Variants in KIF9 observed in about 807,000 individuals in gnomAD.
KIF9 encodes the protein kinesin family member 9.
In KIF9, 68 loss-of-function variants were observed where a neutral mutation model predicts 94.8. That is an observed-to-expected ratio of 0.72 (90% CI 0.59 to 0.88). The LOEUF is 0.88. Among genes scored for constraint, KIF9 ranks in the 40% least tolerant of loss-of-function variants. KIF9 has a pLI of 0.00. For missense variants in KIF9, 882 were observed against 982.5 expected (o/e 0.90, Z 1.37); for synonymous variants, 343 against 362.1 (o/e 0.95, Z 0.60).
At chr3:47,238,316 C>G (rs1338695393) in intron 17 of KIF9, 1 of 152,132 alleles carries the variant, frequency 6.6e-6, no homozygotes, top group Non-Finnish European at 1.5e-5. Flanking sequence ...CTTCTGGGCT[C>G]AGGTGATCCT....
Position 47,271,364 on chromosome 3 carries a change from G to A in KIF9, c.464C>T (p.Thr155Ile). ...YNESLFDLLS[T>I]LPYVGPSVTP... The stretch of plus-strand genomic sequence containing the variant: ...GACTGAGGGTCCAACATAGGGCAGA[G>A]TGGACAGGAGATCAAACAGGCTCTC... The change falls in exon 5 of 21, where the codon ACT becomes ATT. Residue 155 changes from threonine to isoleucine, a missense_variant. Thr to Ile is a moderately conservative substitution (Grantham distance 89). Transcript: ENST00000684063. The A allele has an allele frequency of 1.2e-6, 2 of 1,613,932 alleles. No individual in the cohort carries two copies. Among genetic ancestry groups the A allele is most frequent in the Non-Finnish European group, 1.7e-6 (2 of 1,179,856 alleles).
intron 9 of KIF9, 31 bp from the exon 10 acceptor site, chr3:47,257,591 G>A: frequency 6.3e-7 from 1 of 1,591,938 alleles, no homozygotes; most frequent in Non-Finnish European, 8.6e-7. Context: ...ACATTAGATG[G>A]CTCGCCACTA....
chr3:47,264,196 T>C (rs1267490280), intron 9 of KIF9, 90 bp downstream of exon 9: 4 of 968,738 alleles, frequency 4.1e-6, no homozygotes, highest in Non-Finnish European at 6.7e-6. Flanking sequence ...CTATGGCCAC[T>C]GTGCCAGGGT....
At chr3:47,260,229 A>G (rs1188636234) in intron 9 of KIF9, among the ~76,000 whole-genome samples, 1 of 136,576 alleles carries the variant, frequency 7.3e-6, no homozygotes, top group Non-Finnish European at 1.6e-5. Flanking sequence ...CTATGATGCA[A>G]AGACCTTTGT....
chr3:47,235,888 G>A (rs1698988588), intron 19 of KIF9, 146 bp downstream of exon 19: 1 of 672,546 alleles, frequency 1.5e-6, no homozygotes, highest in Non-Finnish European at 2.6e-6. Context: ...GGAGAGACCT[G>A]TACCTGCCCA....
intron 9 of KIF9, among the ~76,000 whole-genome samples, chr3:47,262,381 T>C (rs1398317307): frequency 6.6e-6 from 1 of 151,828 alleles, no homozygotes; most frequent in African/African-American, 2.4e-5. Flanking sequence ...AGGGTTCTCC[T>C]GTCTCAGCCT....
intron 15 of KIF9, 187 bp from the exon 16 acceptor site, chr3:47,243,432 G>A: frequency 4.4e-6 from 2 of 450,122 alleles, no homozygotes; most frequent in Non-Finnish European, 7.8e-6. Flanking sequence ...GGAGGAAGAA[G>A]AGGGCATTTT....
chr3:47,273,464 T>C (rs1701769990), intron 4 of KIF9, 88 bp downstream of exon 4: 4 of 987,474 alleles, frequency 4.1e-6, no homozygotes, highest in Non-Finnish European at 6.1e-6. Flanking sequence ...TGGTCCCCAC[T>C]GTCTCTAGTA....
intron 17 of KIF9, chr3:47,239,416 G>T: frequency 4.2e-6 from 1 of 236,744 alleles, no homozygotes; most frequent in Non-Finnish European, 7.0e-6. Context: ...TCTCCCTGTG[G>T]CTCTGGATAG....
rs543217468 is a variant in KIF9, at chr3:47,244,614, G to C, written c.1514+177C>G. ...GAGGACGAGAGATGATTCTTGTGCG[G>C]TTCCAAACCAGCCCCAGCCCGGGCC... On this transcript the variant is annotated intron_variant, in intron 15 of 20. Transcript: ENST00000684063. The C allele has an allele frequency of 5.4e-6, 4 of 742,032 alleles. No individual in the cohort carries two copies. In the African/African-American group the frequency reaches 7.0e-5, roughly 13 times the overall value. The allele number at this position is 742,032 out of a possible 1,614,324, so 46.0% of individuals were successfully genotyped here.
chr3:47,256,150 G>T (rs1009182078), intron 10 of KIF9, among the ~76,000 whole-genome samples: 2 of 152,246 alleles, frequency 1.3e-5, no homozygotes, highest in Non-Finnish European at 2.9e-5. Flanking sequence ...CCTCCCAAAA[G>T]GCCGAGATTG....
Position 47,257,512 on chromosome 3 carries a change from G to A in KIF9, c.1030C>T (p.Pro344Ser), listed in dbSNP as rs1700699625. 1 of 1,613,986 alleles carries A rather than the reference G, an allele frequency of 6.2e-7. No homozygotes were observed. The highest frequency in any genetic ancestry group is 8.5e-7 in the Non-Finnish European group (1 of 1,179,980). The change falls in exon 10 of 21, where the codon CCT becomes TCT. Residue 344 changes from proline to serine, a missense_variant. By Grantham distance (74) the Pro-to-Ser change is moderately conservative. Coordinates refer to ENST00000684063, the MANE Select transcript of KIF9 (RefSeq NM_182902.4). ...ASRMKLVTTE[P>S]AINEKYDAER... ...GCATCATACTTTTCATTGATGGCAG[G>A]CTCAGTGGTGACTAGCTTCATCCTG... is the stretch of plus-strand genomic sequence containing the variant.
At chr3:47,280,866 C>T in intron 1 of KIF9, 2 of 701,700 alleles carry the variant, frequency 2.9e-6, no homozygotes. Flanking sequence ...ATAAAGTCTT[C>T]CTTTGCACAC....
At chr3:47,247,609 C>T in intron 11 of KIF9, 132 bp from the exon 12 acceptor site, 1 of 699,238 alleles carries the variant, frequency 1.4e-6, no homozygotes, top group South Asian at 1.6e-5. Context: ...GGCTCCTTCC[C>T]TTCATCATCG....
intron 1 of KIF9, among the ~76,000 whole-genome samples, chr3:47,281,921 G>A (rs1204094231): frequency 6.6e-6 from 1 of 152,228 alleles, no homozygotes; most frequent in Non-Finnish European, 1.5e-5. Flanking sequence ...ATGAGGGGCT[G>A]TCATGGGGAA....
chr3:47,249,049 C>T (rs1700102784), intron 10 of KIF9, among the ~76,000 whole-genome samples: 1 of 149,086 alleles, frequency 6.7e-6, no homozygotes, highest in Non-Finnish European at 1.5e-5. Flanking sequence ...AGGATGCTTT[C>T]TATGCATGGT....
chr3:47,275,575 T>A (rs1701914840), intron 2 of KIF9, 85 bp from the exon 3 acceptor site: 10 of 992,936 alleles, frequency 1.0e-5, no homozygotes, highest in Non-Finnish European at 3.1e-6. Context: ...AGGCCTAATC[T>A]GGAGGGAACA....
chr3:47,241,570 C>T (rs1699488433), intron 16 of KIF9, among the ~76,000 whole-genome samples: 1 of 151,434 alleles, frequency 6.6e-6, no homozygotes, highest in Admixed American at 6.6e-5. Flanking sequence ...AATCCACCCG[C>T]CTCAGCCTCC....
At chr3:47,234,938 T>C (rs958062800) in intron 20 of KIF9, among the ~76,000 whole-genome samples, 2 of 152,228 alleles carry the variant, frequency 1.3e-5, no homozygotes, top group Non-Finnish European at 2.9e-5. Context: ...ACAAAAATAT[T>C]TGCGAAAGAA....
Sources: allele counts gnomAD v4.1 joint callset (sites outside exome capture counted in the v4.1 genomes callset), GRCh38; gene constraint gnomAD v4.1.1; transcripts MANE v1.5; gene names NCBI Gene and HGNC (gene_info 2026-07-23, HGNC 2026-07-21).